Variants in TNIK observed in about 807,000 individuals in gnomAD.
TNIK encodes TRAF2 and NCK-interacting protein kinase.
TNIK carries 49 observed loss-of-function variants against 191.3 expected under a neutral mutation model. That is an observed-to-expected ratio of 0.26 (90% confidence interval 0.20 to 0.32). TNIK has a LOEUF of 0.32. Among genes scored for constraint, TNIK ranks in the 10% least tolerant of loss-of-function variants. The pLI is 1.00. For missense variants in TNIK, 1,155 were observed against 1,702.3 expected (o/e 0.68, Z 5.66); for synonymous variants, 594 against 600.9 (o/e 0.99, Z 0.17).
chr3:171,079,591 A>G lies in TNIK; in HGVS notation c.3375T>C (p.Asn1125=), dbSNP rs774617630. The G allele has an allele frequency of 1.9e-6, 3 of 1,613,604 alleles. No individual in the cohort carries two copies. The highest frequency in any genetic ancestry group is 3.3e-5 in the Admixed American group (2 of 59,970). ...CTTGTTTCTTTTCTACTTCTGGGTC[A>G]TTATGTAGTATTCTGTTTCTTAACC... ...LSWLRNRILH[N]DPEVEKKQGW... is the part of the protein sequence containing the mutation. The change falls in exon 28 of 33, where the codon AAT becomes AAC. Residue 1125 remains asparagine, a synonymous_variant. Coordinates refer to ENST00000436636, the MANE Select transcript of TNIK (RefSeq NM_015028.4).
chr3:171,086,102 A>G (rs1721327543), intron 24 of TNIK, among the ~76,000 whole-genome samples: 3 of 152,202 alleles, frequency 2.0e-5, no homozygotes, highest in Admixed American at 6.5e-5. Flanking sequence ...TCAACATAAT[A>G]AGCACATCTT....
rs528766282 is a variant in TNIK at position 171,116,283 on chromosome 3, T to C, written c.2121-5406A>G. On this transcript the variant is annotated intron_variant, in intron 18 of 32. Transcript: ENST00000436636. ...GAGGATCAATTTCAGAAGAATCCCATGAAATAATAGATATCCCTTGTTCAC... is the reference window on the plus strand; with the variant it reads ...GAGGATCAATTTCAGAAGAATCCCACGAAATAATAGATATCCCTTGTTCAC... Among the ~76,000 whole-genome samples, 6 of 152,324 alleles carry C rather than the reference T, an allele frequency of 3.9e-5. No homozygotes were observed. In the South Asian group the frequency reaches 1.2e-3, roughly 32 times the overall value.
intron 17 of TNIK, among the ~76,000 whole-genome samples, chr3:171,124,612 A>C (rs114509172): frequency 6.6e-6 from 1 of 152,192 alleles, no homozygotes; most frequent in Non-Finnish European, 1.5e-5. Context: ...TTGAAAATTT[A>C]ATTTTTATTA....
intron 2 of TNIK, among the ~76,000 whole-genome samples, chr3:171,264,036 GTA>G (rs1190416740): frequency 6.1e-5 from 9 of 148,064 alleles, no homozygotes; most frequent in Admixed American, 4.1e-4. Context: ...GTGTGTGTGT[GTA>G]TATATATGTG....
intron 2 of TNIK, among the ~76,000 whole-genome samples, chr3:171,335,010 C>T (rs1756812063): frequency 7.0e-6 from 1 of 143,086 alleles, no homozygotes; most frequent in Non-Finnish European, 1.5e-5. Flanking sequence ...ACAATGCACC[C>T]TTCCTTCCCC....
chr3:171,264,067 T>TACACACACACACACACACAC (rs760319253), intron 2 of TNIK, among the ~76,000 whole-genome samples: 1 of 110,772 alleles, frequency 9.0e-6, no homozygotes, highest in Non-Finnish European at 1.9e-5. Context: ...TATATATACA[T>TACACACACACACACACACAC]ACACACACAC....
In TNIK at chr3:171,411,495, TA is replaced by T. The variant is rs775766753; in HGVS notation, c.58-41811del. 1.8e-3 allele frequency among the ~76,000 whole-genome samples: 264 copies of T among 148,252 alleles called. 3 individuals are homozygous for T. The East Asian group carries it at 0.034, about 19-fold the overall frequency. The stretch of plus-strand genomic sequence containing the variant: ...CATGTATTTTATAATGTCATCTGGG[TA>T]AAAAAAAAAGCTATTAATATTTTCA... On this transcript the variant is annotated intron_variant, in intron 1 of 32. Coordinates refer to ENST00000436636, the MANE Select transcript of TNIK (RefSeq NM_015028.4).
At chr3:171,238,410 T>G (rs564954332) in intron 2 of TNIK, among the ~76,000 whole-genome samples, 48 of 151,288 alleles carry the variant, frequency 3.2e-4, no homozygotes, top group African/African-American at 9.7e-4. Flanking sequence ...TAAAAACTAG[T>G]TTTTTTTTAA....
intron 18 of TNIK, among the ~76,000 whole-genome samples, chr3:171,119,796 G>A (rs891281667): frequency 2.6e-5 from 4 of 151,418 alleles, no homozygotes; most frequent in African/African-American, 9.7e-5. Context: ...GGGGCCTGTT[G>A]TGGGGTTGGG....
In TNIK at chr3:171,060,171, G is replaced by A. The variant is rs1717696442; in HGVS notation, c.*3710C>T. 1.3e-5 allele frequency among the ~76,000 whole-genome samples: 2 copies of A among 152,290 alleles called. No homozygotes were observed. Among genetic ancestry groups the A allele is most frequent in the South Asian group, 2.1e-4 (1 of 4,820 alleles). On this transcript the variant is annotated 3_prime_UTR_variant, in exon 33 of 33. Transcript: ENST00000436636. ...TTTCAAGAATACAGTGACGGGAACT[G>A]GTACACATAGTAGTAGGGAAAGCAT...
intron 1 of TNIK, among the ~76,000 whole-genome samples, chr3:171,431,835 C>T (rs1447295138): frequency 2.0e-5 from 3 of 152,164 alleles, no homozygotes; most frequent in African/African-American, 7.2e-5. Flanking sequence ...AAAAGGCTGC[C>T]ACCCAGGCTG....
chr3:171,423,280 G>A (rs1025440888), intron 1 of TNIK, among the ~76,000 whole-genome samples: 19 of 152,140 alleles, frequency 1.2e-4, no homozygotes, highest in Admixed American at 2.6e-4. Flanking sequence ...TACAAGGGAT[G>A]TGAAGGACCT....
intron 2 of TNIK, among the ~76,000 whole-genome samples, chr3:171,324,210 G>A (rs1290205357): frequency 6.6e-6 from 1 of 152,044 alleles, no homozygotes; most frequent in Non-Finnish European, 1.5e-5. Flanking sequence ...AACCTATGGA[G>A]CATTTGGGTA....
At chr3:171,169,869 G>C (rs1183590562) in intron 9 of TNIK, among the ~76,000 whole-genome samples, 1 of 152,162 alleles carries the variant, frequency 6.6e-6, no homozygotes, top group Non-Finnish European at 1.5e-5. Flanking sequence ...CACTTGTGCA[G>C]AACTACAAAG....
chr3:171,164,988 A>G (rs1349390476), intron 10 of TNIK, among the ~76,000 whole-genome samples: 1 of 152,238 alleles, frequency 6.6e-6, no homozygotes, highest in Non-Finnish European at 1.5e-5. Flanking sequence ...TGCTAGCTGC[A>G]TAAGAATTCT....
In TNIK at chr3:171,162,403, G is replaced by T. The variant is rs1228394295; in HGVS notation, c.950-1067C>A. On this transcript the variant is annotated intron_variant, in intron 10 of 32. Coordinates refer to ENST00000436636, the MANE Select transcript of TNIK (RefSeq NM_015028.4). ...CGCACCACTGCACTCAAGCCTGGGT[G>T]ATAGAGTGAGACTCCGTCTCAAATA... 2.6e-5 allele frequency among the ~76,000 whole-genome samples: 4 copies of T among 152,202 alleles called. No homozygotes were observed. In the South Asian group the frequency reaches 8.3e-4, roughly 32 times the overall value.
At chr3:171,343,845 C>A (rs1711699439) in intron 2 of TNIK, among the ~76,000 whole-genome samples, 1 of 152,114 alleles carries the variant, frequency 6.6e-6, no homozygotes. Context: ...TGGTGGTTTA[C>A]CCAAAAGGCA....
At chr3:171,176,595 A>G (rs1346666761) in intron 8 of TNIK, among the ~76,000 whole-genome samples, 1 of 152,170 alleles carries the variant, frequency 6.6e-6, no homozygotes, top group Non-Finnish European at 1.5e-5. Flanking sequence ...GTCATAGGGG[A>G]TTACTTGGGT....
At chr3:171,150,995 T>G (rs748841414) in intron 12 of TNIK, among the ~76,000 whole-genome samples, 1 of 152,222 alleles carries the variant, frequency 6.6e-6, no homozygotes, top group Non-Finnish European at 1.5e-5. Context: ...AGTTCCAAAA[T>G]AACAATAAAA....
Sources: allele counts gnomAD v4.1 joint callset (sites outside exome capture counted in the v4.1 genomes callset), GRCh38; gene constraint gnomAD v4.1.1; transcripts MANE v1.5; gene names NCBI Gene and HGNC (gene_info 2026-07-23, HGNC 2026-07-21).